CADM2: variants seen among roughly 807,000 people sequenced by gnomAD.
The protein encoded by CADM2 is cell adhesion molecule 2, also known as immunoglobulin superfamily member 4D.
Under a neutral mutation model 49.8 loss-of-function variants are expected in CADM2, and 12 were observed. That is an observed-to-expected ratio of 0.24 (90% CI 0.15 to 0.39). The LOEUF (loss-of-function observed/expected upper bound fraction) is 0.39, where lower values mean the gene tolerates loss of function less well. Among genes scored for constraint, CADM2 ranks in the 10% least tolerant of loss-of-function variants. The pLI, the probability that CADM2 is intolerant of heterozygous loss-of-function variation, is 1.00. For missense variants in CADM2, 378 were observed against 492.3 expected, an observed-to-expected ratio of 0.77 and a Z score of 2.20; for synonymous variants, 214 against 175.4, an observed-to-expected ratio of 1.22 and a Z score of -1.74.
intron 1 of CADM2, among the ~76,000 whole-genome samples, chr3:85,527,471 T>C (rs978504255): frequency 1.7e-5 from 2 of 120,260 alleles, no homozygotes; most frequent in Non-Finnish European, 3.9e-5. Flanking sequence ...AAATGGTAAA[T>C]ATTCAACATG....
chr3:85,665,390 C>G (rs1381045427), intron 1 of CADM2, among the ~76,000 whole-genome samples: 1 of 151,804 alleles, frequency 6.6e-6, no homozygotes, highest in African/African-American at 2.4e-5. Context: ...CATAATTGGC[C>G]TGCAATGGAT....
chr3:85,055,441 A>C (rs2036044242), intron 1 of CADM2, among the ~76,000 whole-genome samples: 1 of 152,006 alleles, frequency 6.6e-6, no homozygotes, highest in Non-Finnish European at 1.5e-5. Context: ...CTCCATCATC[A>C]TCCACATTAT....
At chr3:85,438,475 G>A (rs2037036022) in intron 1 of CADM2, among the ~76,000 whole-genome samples, 2 of 151,936 alleles carry the variant, frequency 1.3e-5, no homozygotes, top group South Asian at 4.1e-4. Context: ...TCCCTCTTAT[G>A]GGCAGTCATA....
chr3:85,844,965 A>G (rs2074807810), intron 3 of CADM2, among the ~76,000 whole-genome samples: 1 of 151,924 alleles, frequency 6.6e-6, no homozygotes, highest in African/African-American at 2.4e-5. Flanking sequence ...AGCATGGGCA[A>G]CAGAGTGAGA....
chr3:85,697,109 T>A (rs2066590630), intron 1 of CADM2, among the ~76,000 whole-genome samples: 1 of 135,318 alleles, frequency 7.4e-6, no homozygotes, highest in South Asian at 2.3e-4. Flanking sequence ...CATATATATA[T>A]ATGGCATATA....
intron 1 of CADM2, among the ~76,000 whole-genome samples, chr3:85,675,574 C>G (rs2065867207): frequency 6.6e-6 from 1 of 152,072 alleles, no homozygotes; most frequent in African/African-American, 2.4e-5. Context: ...ATCTAACACC[C>G]CGATAGAATT....
chr3:85,974,215 A>T (rs1316501109), intron 8 of CADM2, among the ~76,000 whole-genome samples: 1 of 151,578 alleles, frequency 6.6e-6, no homozygotes, highest in Admixed American at 6.6e-5. Context: ...TCCATATGAG[A>T]TCCTATTTGA....
At chr3:86,025,063 G>GT (rs1577987283) in intron 8 of CADM2, among the ~76,000 whole-genome samples, 1 of 147,932 alleles carries the variant, frequency 6.8e-6, no homozygotes, top group East Asian at 2.0e-4. Context: ...TTTTTGTTTT[G>GT]TTTTGTTTTG....
intron 8 of CADM2, among the ~76,000 whole-genome samples, chr3:85,983,574 G>A (rs1042964736): frequency 7.9e-5 from 12 of 151,614 alleles, no homozygotes; most frequent in South Asian, 2.1e-4. Flanking sequence ...TTTTCAGTTC[G>A]TTTTAGTAAA....
intron 1 of CADM2, among the ~76,000 whole-genome samples, chr3:85,019,992 G>T (rs2034424962): frequency 6.6e-6 from 1 of 151,976 alleles, no homozygotes; most frequent in Admixed American, 6.6e-5. Flanking sequence ...CAAATACAAA[G>T]ATATATGTTT....
At chr3:85,556,179 T>A (rs1475825601) in intron 1 of CADM2, among the ~76,000 whole-genome samples, 3 of 152,250 alleles carry the variant, frequency 2.0e-5, no homozygotes, top group Non-Finnish European at 4.4e-5. Context: ...TATACTGTAA[T>A]CTTATAATAA....
intron 3 of CADM2, among the ~76,000 whole-genome samples, chr3:85,843,789 A>T (rs2074747432): frequency 6.6e-6 from 1 of 152,150 alleles, no homozygotes; most frequent in Admixed American, 6.5e-5. Context: ...AAACACCAGG[A>T]GAAACTCTAA....
intron 8 of CADM2, among the ~76,000 whole-genome samples, chr3:86,054,193 T>C (rs955202034): frequency 6.6e-6 from 1 of 151,912 alleles, no homozygotes; most frequent in East Asian, 1.9e-4. Context: ...TGTGATGATC[T>C]CTTTATAATG....
intron 1 of CADM2, among the ~76,000 whole-genome samples, chr3:85,432,520 A>T (rs2107525183): frequency 6.6e-6 from 1 of 152,240 alleles, no homozygotes; most frequent in South Asian, 2.1e-4. Context: ...CAATTCTGAA[A>T]GGCTATGATA....
chr3:85,335,298 TA>T (rs963792358), intron 1 of CADM2, among the ~76,000 whole-genome samples: 4 of 151,500 alleles, frequency 2.6e-5, no homozygotes, highest in Non-Finnish European at 5.9e-5. Flanking sequence ...CCTGCTACTT[TA>T]TATCGGGGTA....
At chr3:86,028,639 A>G (rs979189374) in intron 8 of CADM2, among the ~76,000 whole-genome samples, 2 of 152,116 alleles carry the variant, frequency 1.3e-5, no homozygotes, top group African/African-American at 4.8e-5. Context: ...TTTGTGCACT[A>G]AATTACCTCC....
At chr3:85,388,409 A>G (rs2034352960) in intron 1 of CADM2, among the ~76,000 whole-genome samples, 1 of 152,196 alleles carries the variant, frequency 6.6e-6, no homozygotes, top group Non-Finnish European at 1.5e-5. Context: ...CCTTCAGGAA[A>G]GAAGCGGGTT....
At chr3:85,296,166 T>G (rs1211812762) in intron 1 of CADM2, among the ~76,000 whole-genome samples, 1 of 152,046 alleles carries the variant, frequency 6.6e-6, no homozygotes, top group African/African-American at 2.4e-5. Context: ...AAATTATTAC[T>G]GTATGCAGCA....
chr3:85,468,104 A>T (rs1451069231), intron 1 of CADM2, among the ~76,000 whole-genome samples: 1 of 131,664 alleles, frequency 7.6e-6, no homozygotes, highest in Non-Finnish European at 1.6e-5. Context: ...CAGTGAGCCG[A>T]GATCCCGCCA....
Sources: gnomAD v4.1 joint callset for allele counts (sites outside exome capture counted in the v4.1 genomes callset) on GRCh38, gnomAD v4.1.1 for gene constraint, MANE v1.5 for transcripts, NCBI Gene and HGNC (gene_info 2026-07-23, HGNC 2026-07-21) for gene names.